GLIPR1L2: variants seen among roughly 807,000 people sequenced by gnomAD.
GLIPR1L2 encodes GLIPR1 like 2.
GLIPR1L2 carries 21 observed loss-of-function variants against 28.4 expected under a neutral mutation model. The ratio of observed to expected loss-of-function variants is 0.74; its 90% CI spans 0.52 to 1.06. The LOEUF (loss-of-function observed/expected upper bound fraction) is 1.06, where lower values mean the gene tolerates loss of function less well. Among genes scored for constraint, GLIPR1L2 ranks in the 50% least tolerant of loss-of-function variants. The pLI, the probability that GLIPR1L2 is intolerant of heterozygous loss-of-function variation, is 0.00. For synonymous variants in GLIPR1L2, 145 were observed against 139.3 expected (o/e 1.04, Z -0.29); for missense variants, 476 against 416.9 (o/e 1.14, Z -1.23).
At chr12:75,426,462 G>A (rs906562202) in intron 4 of GLIPR1L2, among the ~76,000 whole-genome samples, 4 of 152,202 alleles carry the variant, frequency 2.6e-5, no homozygotes, top group African/African-American at 9.7e-5. Context: ...ATACTAAGAA[G>A]CCACTGTGAA....
Position 75,391,334 on chromosome 12 carries a change from C to A in GLIPR1L2, c.218C>A (p.Ser73Tyr). The A allele has an allele frequency of 1.2e-6, 2 of 1,614,032 alleles. No individual in the cohort carries two copies. Among genetic ancestry groups the A allele is most frequent in the Non-Finnish European group, 1.7e-6 (2 of 1,179,858 alleles). ...ELRGDVIPRGSNLRFMTWDVA... is the reference protein window; with the variant it reads ...ELRGDVIPRGYNLRFMTWDVA... ...CGGGGCGACGTCATTCCCCGAGGGTCTAACTTGCGCTTCATGGTGAGGCCG... is the reference window on the plus strand; with the variant it reads ...CGGGGCGACGTCATTCCCCGAGGGTATAACTTGCGCTTCATGGTGAGGCCG... The change falls in exon 1 of 6, where the codon TCT becomes TAT. Residue 73 changes from serine to tyrosine, a missense_variant. Ser to Tyr is a moderately radical substitution (Grantham distance 144). Transcript: ENST00000550916.
At chr12:75,399,304 C>T (rs1321637755) in intron 1 of GLIPR1L2, among the ~76,000 whole-genome samples, 1 of 152,106 alleles carries the variant, frequency 6.6e-6, no homozygotes. Context: ...AGTAGCATCT[C>T]AAATCTGTGA....
Position 75,431,228 on chromosome 12 carries a change from G to C in GLIPR1L2, c.*67G>C. On this transcript the variant is annotated 3_prime_UTR_variant, in exon 6 of 6. Coordinates refer to ENST00000550916, the MANE Select transcript of GLIPR1L2 (RefSeq NM_001270396.2). ...CAAAAGTGTAATACAAAAAAAGACAGAAAAAAAAAAAAAGTAAAACACTGA... is the reference window on the plus strand; with the variant it reads ...CAAAAGTGTAATACAAAAAAAGACACAAAAAAAAAAAAAGTAAAACACTGA... 11 of 458,292 alleles carry C rather than the reference G, an allele frequency of 2.4e-5. No individual in the cohort carries two copies. Among genetic ancestry groups the C allele is most frequent in the Non-Finnish European group, 1.9e-5 (5 of 262,674 alleles). The allele number at this position is 458,292 out of a possible 1,614,324, so 28.4% of individuals were successfully genotyped here.
intron 4 of GLIPR1L2, chr12:75,423,243 T>G: frequency 7.5e-7 from 1 of 1,330,976 alleles, no homozygotes; most frequent in Non-Finnish European, 9.5e-7. Flanking sequence ...GAATGAGAAC[T>G]AACAGTTATA....
intron 1 of GLIPR1L2, among the ~76,000 whole-genome samples, chr12:75,398,558 CTTCT>C (rs1424716862): frequency 6.6e-6 from 1 of 152,082 alleles, no homozygotes; most frequent in East Asian, 1.9e-4. Context: ...GAATCCCTCC[CTTCT>C]TTTTCTGAGC....
At chr12:75,398,918 G>A (rs1289498487) in intron 1 of GLIPR1L2, among the ~76,000 whole-genome samples, 4 of 151,916 alleles carry the variant, frequency 2.6e-5, no homozygotes, top group Admixed American at 6.6e-5. Flanking sequence ...GGAGGTTTCC[G>A]TCTTATATTT....
At chr12:75,428,157 C>T (rs2139968384) in intron 4 of GLIPR1L2, among the ~76,000 whole-genome samples, 1 of 152,236 alleles carries the variant, frequency 6.6e-6, no homozygotes, top group Admixed American at 6.5e-5. Flanking sequence ...TAGTTTTGAC[C>T]AAAATGCTGA....
At position 75,410,659 on chromosome 12, in the gene GLIPR1L2, G is replaced by T. The variant is rs2045857830; in HGVS notation, c.460G>T (p.Asp154Tyr). 1 of 1,607,548 alleles carries T rather than the reference G, an allele frequency of 6.2e-7. No individual in the cohort carries two copies. Among genetic ancestry groups the T allele is most frequent in the Non-Finnish European group, 8.5e-7 (1 of 1,175,272 alleles). The change falls in exon 2 of 6, where the codon GAC becomes TAC. Residue 154 changes from aspartate (D) to tyrosine (Y), a missense_variant. Asp to Tyr is a radical substitution (Grantham distance 160). Coordinates refer to ENST00000550916, the MANE Select transcript of GLIPR1L2 (RefSeq NM_001270396.2). ...YNFENGSCSG[D>Y]CSNYIQLVWD... ...TTTTGAAAATGGCAGTTGCTCTGGA[G>T]ACTGTTCTAATTATATTCAGGTATG...
At chr12:75,415,291 G>A (rs1347205864) in intron 3 of GLIPR1L2, among the ~76,000 whole-genome samples, 1 of 151,972 alleles carries the variant, frequency 6.6e-6, no homozygotes, top group African/African-American at 2.4e-5. Flanking sequence ...TCTCATTTTT[G>A]TTTTGAAAAG....
In GLIPR1L2 at chr12:75,427,766, C is replaced by T. The variant is rs535538343; in HGVS notation, c.671-2949C>T. Among the ~76,000 whole-genome samples the T allele has an allele frequency of 4.6e-5, 7 of 152,252 alleles. No homozygotes were observed. In the South Asian group the frequency reaches 1.0e-3, roughly 23 times the overall value. ...CATGCTGTTCTCATGATAGTGAGTT[C>T]TCATGAGATCTGATGGTTTAAAGTG... On this transcript the variant is annotated intron_variant, in intron 4 of 5. Coordinates refer to ENST00000550916, the MANE Select transcript of GLIPR1L2 (RefSeq NM_001270396.2).
At chr12:75,417,491 T>C (rs191030480) in intron 3 of GLIPR1L2, among the ~76,000 whole-genome samples, 16 of 152,176 alleles carry the variant, frequency 1.1e-4, no homozygotes, top group South Asian at 4.1e-4. Flanking sequence ...TTACAGAAAA[T>C]TAATGCAGAA....
At chr12:75,418,702 C>A (rs1400575893) in intron 3 of GLIPR1L2, among the ~76,000 whole-genome samples, 1 of 152,036 alleles carries the variant, frequency 6.6e-6, no homozygotes, top group African/African-American at 2.4e-5. Flanking sequence ...TAGTTTTTTC[C>A]AGTTCTGTGA....
At chr12:75,423,112 A>C in intron 4 of GLIPR1L2, 123 bp downstream of exon 4, 3 of 1,567,154 alleles carry the variant, frequency 1.9e-6, no homozygotes, top group Non-Finnish European at 2.6e-6. Flanking sequence ...TGCTACTATT[A>C]TGTTATCAAA....
At chr12:75,410,382 G>A in intron 1 of GLIPR1L2, 52 bp from the exon 2 acceptor site, 1 of 1,410,460 alleles carries the variant, frequency 7.1e-7, no homozygotes, top group Non-Finnish European at 9.4e-7. Flanking sequence ...AAATATTTTA[G>A]ACTACAAAAA....
chr12:75,422,955 T>C lies in GLIPR1L2; in HGVS notation c.636T>C (p.Cys212=). 1 of 1,613,146 alleles carries C rather than the reference T, an allele frequency of 6.2e-7. No individual in the cohort carries two copies. The highest frequency in any genetic ancestry group is 8.5e-7 in the Non-Finnish European group (1 of 1,179,636). The change falls in exon 4 of 6, where the codon TGT becomes TGC. Residue 212 remains cysteine (C), a synonymous_variant. Coordinates refer to ENST00000550916, the MANE Select transcript of GLIPR1L2 (RefSeq NM_001270396.2). ...PYEPGIFCTR[C]GRRDKCTDFL... is the part of the protein sequence containing the mutation. The stretch of plus-strand genomic sequence containing the variant: ...AACCAGGAATATTTTGTACTCGATG[T>C]GGCAGACGTGACAAATGCACAGATT...
chr12:75,402,161 C>T (rs909414909), intron 1 of GLIPR1L2, among the ~76,000 whole-genome samples: 1 of 152,086 alleles, frequency 6.6e-6, no homozygotes, highest in African/African-American at 2.4e-5. Context: ...TATTAGGTAT[C>T]TAGATGAAAT....
chr12:75,422,953 TGTGGCAGAC>T lies in GLIPR1L2; in HGVS notation c.638_646del (p.Gly213_Arg215del). The T allele has an allele frequency of 6.2e-7, 1 of 1,613,006 alleles. No homozygotes were observed. Among genetic ancestry groups the T allele is most frequent in the Non-Finnish European group, 8.5e-7 (1 of 1,179,656 alleles). On this transcript the variant is annotated inframe_deletion, in exon 4 of 6. Coordinates refer to ENST00000550916, the MANE Select transcript of GLIPR1L2 (RefSeq NM_001270396.2). ...TGAACCAGGAATATTTTGTACTCGA[TGTGGCAGAC>T]GTGACAAATGCACAGATTTTCTATG...
At chr12:75,412,032 T>A (rs2045873008) in intron 2 of GLIPR1L2, among the ~76,000 whole-genome samples, 1 of 152,066 alleles carries the variant, frequency 6.6e-6, no homozygotes, top group Non-Finnish European at 1.5e-5. Flanking sequence ...GATTTTGTTT[T>A]ATCCTACAAT....
chr12:75,420,666 G>T (rs550228504), intron 3 of GLIPR1L2, among the ~76,000 whole-genome samples: 1 of 152,314 alleles, frequency 6.6e-6, no homozygotes, highest in South Asian at 2.1e-4. Flanking sequence ...CTTATAGATA[G>T]TTACCTATTA....
Sources: gnomAD v4.1 joint callset for allele counts (sites outside exome capture counted in the v4.1 genomes callset) on GRCh38, gnomAD v4.1.1 for gene constraint, MANE v1.5 for transcripts, NCBI Gene and HGNC (gene_info 2026-07-23, HGNC 2026-07-21) for gene names.